PALMD: variants seen among roughly 807,000 people sequenced by gnomAD.
The protein encoded by PALMD is palmdelphin.
PALMD carries 42 observed loss-of-function variants against 56.2 expected under a neutral mutation model. The observed-to-expected ratio is 0.75, with a 90% CI of 0.58 to 0.97. PALMD has a LOEUF of 0.97. Among genes scored for constraint, PALMD ranks in the 50% least tolerant of loss-of-function variants. PALMD has a pLI of 0.00. For synonymous variants in PALMD, 242 were observed against 222.9 expected, an observed-to-expected ratio of 1.09 and a Z score of -0.76; for missense variants, 660 against 643.8, an observed-to-expected ratio of 1.03 and a Z score of -0.27.
At chr1:99,676,193 G>T (rs906723490) in intron 3 of PALMD, among the ~76,000 whole-genome samples, 2 of 152,096 alleles carry the variant, frequency 1.3e-5, no homozygotes, top group African/African-American at 4.8e-5. Context: ...TAATTCTCTG[G>T]CATGCTTACC....
chr1:99,649,483 T>C (rs1414485735), intron 1 of PALMD, among the ~76,000 whole-genome samples: 1 of 151,914 alleles, frequency 6.6e-6, no homozygotes, highest in African/African-American at 2.4e-5. Flanking sequence ...AAGAGTGAGA[T>C]GAAGAAGCGT....
chr1:99,694,245 A>T lies in PALMD; in HGVS notation c.*183A>T, dbSNP rs1175652768. The T allele has an allele frequency of 2.1e-6, 1 of 473,098 alleles. No individual in the cohort carries two copies. Among genetic ancestry groups the T allele is most frequent in the Non-Finnish European group, 3.8e-6 (1 of 261,630 alleles). 29.3% of individuals were successfully genotyped at this position (473,098 alleles called of 1,614,324 possible). ...TGAAAAATTCCCAAAAAGCTGGGGA[A>T]AACAAATGTGTAACTTTTCCAGTTA... On this transcript the variant is annotated 3_prime_UTR_variant, in exon 8 of 8. Transcript: ENST00000263174.
intron 1 of PALMD, among the ~76,000 whole-genome samples, chr1:99,652,923 A>C (rs1212481849): frequency 3.3e-5 from 5 of 152,138 alleles, no homozygotes; most frequent in Admixed American, 3.3e-4. Context: ...GGGCAAGAAG[A>C]GACTGTGGTG....
chr1:99,692,258 G>T (rs930478473), intron 7 of PALMD, among the ~76,000 whole-genome samples: 1 of 152,080 alleles, frequency 6.6e-6, no homozygotes, highest in African/African-American at 2.4e-5. Flanking sequence ...ATGAAGTGGT[G>T]GGGATCTCAG....
At chr1:99,675,565 C>T (rs1232921711) in intron 3 of PALMD, among the ~76,000 whole-genome samples, 1 of 152,106 alleles carries the variant, frequency 6.6e-6, no homozygotes, top group Non-Finnish European at 1.5e-5. Flanking sequence ...ACTACAAGGT[C>T]CTCTACAAGC....
chr1:99,687,027 C>T (rs1278686154), intron 5 of PALMD, 49 bp from the exon 6 acceptor site: 1 of 1,510,586 alleles, frequency 6.6e-7, no homozygotes, highest in Non-Finnish European at 9.1e-7. Flanking sequence ...AAATTGTTCC[C>T]ATTGTAAATA....
intron 3 of PALMD, chr1:99,669,866 G>C (rs578225658): frequency 6.6e-6 from 1 of 152,214 alleles, no homozygotes; most frequent in Non-Finnish European, 1.5e-5. Context: ...ATAAGCCATA[G>C]TATACAGCAG....
At chr1:99,683,084 GAGAGAGAA>G (rs1309397426) in intron 3 of PALMD, among the ~76,000 whole-genome samples, 24 of 15,566 alleles carry the variant, frequency 1.5e-3, no homozygotes, top group South Asian at 3.6e-3. Context: ...GAGAGAGAGA[GAGAGAGAA>G]AGAAAGAAAG....
intron 1 of PALMD, among the ~76,000 whole-genome samples, chr1:99,661,937 A>AAG (rs2100858894): frequency 6.6e-6 from 1 of 152,272 alleles, no homozygotes; most frequent in Non-Finnish European, 1.5e-5. Context: ...GGCTTCTTCA[A>AAG]CCTTGGACCA....
At chr1:99,680,169 C>T (rs1031603686) in intron 3 of PALMD, among the ~76,000 whole-genome samples, 18 of 152,272 alleles carry the variant, frequency 1.2e-4, no homozygotes, top group Admixed American at 9.8e-4. Flanking sequence ...CTGAAATAAC[C>T]TCTTCCTGAT....
chr1:99,688,674 A>T, intron 6 of PALMD, 101 bp from the exon 7 acceptor site: 1 of 738,874 alleles, frequency 1.4e-6, no homozygotes, highest in South Asian at 1.9e-5. Flanking sequence ...ACATACAAGA[A>T]CATGAAGGGT....
Position 99,687,149 on chromosome 1 carries a change from G to C in PALMD, c.474G>C (p.Glu158Asp), listed in dbSNP as rs1653520624. 2 of 1,604,094 alleles carry C rather than the reference G, an allele frequency of 1.2e-6. No homozygotes were observed. Among genetic ancestry groups the C allele is most frequent in the Non-Finnish European group, 1.7e-6 (2 of 1,171,928 alleles). ...ACATACCTTCTAGGTTAAGGAAGGA[G>C]ATAAATGAAGAAAAAGAAGATGATG... Reference protein sequence around the residue: ...KSYIPSRLRKEINEEKEDDEQ... With the variant: ...KSYIPSRLRKDINEEKEDDEQ... The change falls in exon 6 of 8, where the codon GAG (glutamate) becomes GAC (aspartate). Residue 158 changes from glutamate (E) to aspartate (D), a missense_variant. By Grantham distance (45) the Glu-to-Asp change is conservative (BLOSUM62 2). Transcript: ENST00000263174.
At chr1:99,670,946 T>C (rs144739630) in intron 3 of PALMD, among the ~76,000 whole-genome samples, 34 of 152,294 alleles carry the variant, frequency 2.2e-4, no homozygotes, top group African/African-American at 7.7e-4. Context: ...TTAAATTCAA[T>C]CTTTCTCCTA....
At chr1:99,682,677 G>A (rs1365385763) in intron 3 of PALMD, among the ~76,000 whole-genome samples, 1 of 151,888 alleles carries the variant, frequency 6.6e-6, no homozygotes, top group African/African-American at 2.4e-5. Context: ...CAGGAGCTTT[G>A]TCTCTATGCC....
At chr1:99,659,301 C>T (rs1213261433) in intron 1 of PALMD, among the ~76,000 whole-genome samples, 1 of 152,206 alleles carries the variant, frequency 6.6e-6, no homozygotes, top group Admixed American at 6.5e-5. Flanking sequence ...AAGAGATAAC[C>T]TTTAACAGGT....
At chr1:99,655,934 G>GCA (rs1049909055) in intron 1 of PALMD, among the ~76,000 whole-genome samples, 2 of 101,166 alleles carry the variant, frequency 2.0e-5, no homozygotes, top group South Asian at 3.1e-4. Flanking sequence ...TAACACACAC[G>GCA]CACACACACA....
intron 3 of PALMD, chr1:99,683,218 A>C (rs933668506): frequency 2.0e-5 from 3 of 152,254 alleles, no homozygotes; most frequent in Middle Eastern, 3.4e-3. Flanking sequence ...TAAATGTTGA[A>C]TTGCTCCAGA....
chr1:99,675,889 A>G (rs1407719200), intron 3 of PALMD, among the ~76,000 whole-genome samples: 2 of 152,182 alleles, frequency 1.3e-5, no homozygotes, highest in Non-Finnish European at 2.9e-5. Flanking sequence ...TTAGGATACT[A>G]TCATCTGCCC....
chr1:99,677,635 A>G (rs765286058), intron 3 of PALMD, among the ~76,000 whole-genome samples: 5 of 152,172 alleles, frequency 3.3e-5, no homozygotes, highest in African/African-American at 4.8e-5. Flanking sequence ...GCAGATGTCA[A>G]TTCTGCTAAT....
Sources: gnomAD v4.1 joint callset for allele counts (sites outside exome capture counted in the v4.1 genomes callset) on GRCh38, gnomAD v4.1.1 for gene constraint, MANE v1.5 for transcripts, NCBI Gene and HGNC (gene_info 2026-07-23, HGNC 2026-07-21) for gene names.